The following TACC2 variants were observed in gnomAD, a reference collection of about 807,000 sequenced individuals.
TACC2 encodes transforming acidic coiled-coil containing protein 2, also known as transforming acidic coiled-coil-containing protein 2.
TACC2 carries 137 observed loss-of-function variants against 227.3 expected under a neutral mutation model. That is an observed-to-expected ratio of 0.60 (90% CI 0.52 to 0.69). The LOEUF (loss-of-function observed/expected upper bound fraction) is 0.69. TACC2 is among the 30% of genes least tolerant of loss of function. The pLI is 0.00. For synonymous variants in TACC2, 1,523 were observed against 1,487.5 expected (o/e 1.02, Z -0.55); for missense variants, 3,470 against 3,694.4 (o/e 0.94, Z 1.57).
intron 7 of TACC2, among the ~76,000 whole-genome samples, chr10:122,188,697 A>G (rs1184460788): frequency 6.6e-6 from 1 of 152,174 alleles, no homozygotes; most frequent in African/African-American, 2.4e-5. Flanking sequence ...TGCTCTTTCC[A>G]CTTGGTCATG....
chr10:122,050,405 T>C lies in TACC2; in HGVS notation c.34-33T>C. The C allele has an allele frequency of 6.4e-7, 1 of 1,563,894 alleles. No individual in the cohort carries two copies. The highest frequency in any genetic ancestry group is 1.1e-5 in the South Asian group (1 of 89,628). ...TGTGTTTTCAGAGACTCCTATCTGATTTCCTTTCCAATTTCTTTTTCTCCT... is the reference window on the plus strand; with the variant it reads ...TGTGTTTTCAGAGACTCCTATCTGACTTCCTTTCCAATTTCTTTTTCTCCT... On this transcript the variant is annotated intron_variant, in intron 2 of 22. Coordinates refer to ENST00000369005, the MANE Select transcript of TACC2 (RefSeq NM_206862.4). The surrounding 1 kb of genome is among the most constrained non-coding windows in gnomAD (Gnocchi z 4.6).
At chr10:122,058,757 T>C (rs1185426304) in intron 3 of TACC2, among the ~76,000 whole-genome samples, 1 of 152,026 alleles carries the variant, frequency 6.6e-6, no homozygotes, top group Non-Finnish European at 1.5e-5. Flanking sequence ...TTTATGAACC[T>C]CATGATTCTT....
intron 7 of TACC2, chr10:122,164,017 C>G (rs373928274): frequency 1.0e-4 from 159 of 1,564,620 alleles, no homozygotes; most frequent in Non-Finnish European, 1.3e-4. Flanking sequence ...CGGGCCGCCC[C>G]GAGTCTCCCG....
intron 5 of TACC2, among the ~76,000 whole-genome samples, chr10:122,092,621 T>C (rs2080945496): frequency 6.6e-6 from 1 of 152,222 alleles, no homozygotes; most frequent in Non-Finnish European, 1.5e-5. Context: ...TGCTTTATTG[T>C]CCATCTTATG....
At chr10:122,219,362 C>T (rs984959968) in intron 11 of TACC2, among the ~76,000 whole-genome samples, 3 of 152,276 alleles carry the variant, frequency 2.0e-5, no homozygotes, top group African/African-American at 7.2e-5. Context: ...TATGAAACAC[C>T]GTAATAATGA....
chr10:122,025,655 C>A (rs970309265), intron 2 of TACC2, among the ~76,000 whole-genome samples: 4 of 150,890 alleles, frequency 2.7e-5, no homozygotes, highest in African/African-American at 9.8e-5. Context: ...CTCACTGCAA[C>A]CTCCGCCTCC....
chr10:122,053,675 C>G (rs1372304584), intron 3 of TACC2, among the ~76,000 whole-genome samples: 1 of 152,178 alleles, frequency 6.6e-6, no homozygotes, highest in African/African-American at 2.4e-5. Flanking sequence ...CCTGCTCATT[C>G]CCCTCTGAAC....
intron 11 of TACC2, among the ~76,000 whole-genome samples, chr10:122,223,677 T>C (rs911332855): frequency 2.0e-5 from 3 of 152,232 alleles, no homozygotes; most frequent in South Asian, 2.1e-4. Flanking sequence ...TTAAAGCTGA[T>C]ATTTTTTTGA....
rs758992994 is a variant in TACC2 at position 122,083,332 on chromosome 10, C to A, written c.832C>A (p.Pro278Thr). The part of the protein sequence containing the change: ...KSPLKPMAPI[P>T]QDPAPRASDR... Reference sequence around the variant, plus strand: ...CCCCCTAAAACCCATGGCCCCGATCCCACAAGATCCAGCCCCAAGAGCCTC... The same window carrying A: ...CCCCCTAAAACCCATGGCCCCGATCACACAAGATCCAGCCCCAAGAGCCTC... Residue 278 changes from proline to threonine, a missense_variant, in exon 4 of 23, where the codon CCA (proline) becomes ACA (threonine). Around this residue, in one of 10 missense-constraint regions of TACC2, gnomAD observed 405 missense variants for 389.6 expected, o/e 1.04. Coordinates refer to ENST00000369005, the MANE Select transcript of TACC2 (RefSeq NM_206862.4). 1 of 1,613,988 alleles carries A rather than the reference C, an allele frequency of 6.2e-7. No homozygotes were observed. The highest frequency in any genetic ancestry group is 2.2e-5 in the East Asian group (1 of 44,862).
At chr10:122,051,238 G>A (rs527470776) in intron 3 of TACC2, 1 of 152,454 alleles carries the variant, frequency 6.6e-6, no homozygotes, top group South Asian at 2.1e-4. Flanking sequence ...TTTTAGTAGA[G>A]ACGGGATTTC....
At chr10:122,110,635 A>G (rs969600723) in intron 5 of TACC2, among the ~76,000 whole-genome samples, 2 of 152,138 alleles carry the variant, frequency 1.3e-5, no homozygotes, top group African/African-American at 2.4e-5. Flanking sequence ...GCCTTCCTCG[A>G]CCAGAGTGGT....
intron 1 of TACC2, among the ~76,000 whole-genome samples, chr10:121,993,457 G>A (rs910133377): frequency 3.9e-5 from 6 of 152,172 alleles, no homozygotes; most frequent in African/African-American, 9.6e-5. Context: ...CCCTGCTCCC[G>A]AGTCCACCCA....
chr10:122,141,341 G>A lies in TACC2; in HGVS notation c.5700-2231G>A, dbSNP rs559910800. Among the ~76,000 whole-genome samples the A allele has an allele frequency of 1.3e-5, 2 of 152,134 alleles. No homozygotes were observed. The highest frequency in any genetic ancestry group is 4.8e-5 in the African/African-American group (2 of 41,410). Reference sequence around the variant, plus strand: ...ATGAGCCAACAGGCGGTGGAAGGAGGGGGGCGCCTTTCTTAAATGAGCTGT... The same window carrying A: ...ATGAGCCAACAGGCGGTGGAAGGAGAGGGGCGCCTTTCTTAAATGAGCTGT... On this transcript the variant is annotated intron_variant, in intron 6 of 22. Coordinates refer to ENST00000369005, the MANE Select transcript of TACC2 (RefSeq NM_206862.4). The surrounding 1 kb of genome is among the most constrained non-coding windows in gnomAD (Gnocchi z 4.3).
At position 122,211,424 on chromosome 10, in the gene TACC2, T is replaced by A; in HGVS notation, c.6999T>A (p.Gly2333=). ...CCAATGACATCCCCATTGCTAAAGG[T>A]ACTTACACCTTTGATATTGACAAGT... ...AEPNDIPIAK[G]TYTFDIDKWD... The change falls in exon 9 of 23, where the codon GGT becomes GGA. Residue 2333 remains glycine, a synonymous_variant. Coordinates refer to ENST00000369005, the MANE Select transcript of TACC2 (RefSeq NM_206862.4). 1 of 1,614,036 alleles carries A rather than the reference T, an allele frequency of 6.2e-7. No homozygotes were observed. The highest frequency in any genetic ancestry group is 8.5e-7 in the Non-Finnish European group (1 of 1,180,018).
intron 9 of TACC2, among the ~76,000 whole-genome samples, 175 bp from the exon 10 acceptor site, chr10:122,215,216 A>T (rs1010285514): frequency 1.2e-4 from 19 of 152,282 alleles, no homozygotes; most frequent in African/African-American, 4.6e-4. Context: ...AATAGCTGTT[A>T]AAAAGTGAGA....
At chr10:122,114,474 G>C (rs2084275943) in intron 5 of TACC2, among the ~76,000 whole-genome samples, 1 of 152,240 alleles carries the variant, frequency 6.6e-6, no homozygotes, top group Admixed American at 6.5e-5. Flanking sequence ...CCCTCCCGGA[G>C]CAGCTGGCTT....
At chr10:122,120,705 A>G (rs2085583591) in intron 5 of TACC2, among the ~76,000 whole-genome samples, 1 of 152,050 alleles carries the variant, frequency 6.6e-6, no homozygotes, top group Non-Finnish European at 1.5e-5. Flanking sequence ...GGCGCATGCT[A>G]GGTGCTCATA....
intron 7 of TACC2, among the ~76,000 whole-genome samples, chr10:122,185,974 A>C (rs999525404): frequency 1.3e-5 from 2 of 152,180 alleles, no homozygotes; most frequent in Non-Finnish European, 2.9e-5. Context: ...CTTGTTGCCC[A>C]GGCCGGAGTG....
At chr10:122,186,666 C>T (rs1240016404) in intron 7 of TACC2, among the ~76,000 whole-genome samples, 1 of 152,130 alleles carries the variant, frequency 6.6e-6, no homozygotes, top group East Asian at 1.9e-4. Flanking sequence ...GTGCCCGCCA[C>T]CATACCTGGC....
Sources: allele counts gnomAD v4.1 joint callset (sites outside exome capture counted in the v4.1 genomes callset), GRCh38; gene constraint gnomAD v4.1.1; regional missense constraint gnomAD v4.1.1; non-coding constraint Gnocchi (gnomAD v3.1); transcripts MANE v1.5; gene names NCBI Gene and HGNC (gene_info 2026-07-23, HGNC 2026-07-21).